The following PSMD14 variants were observed in gnomAD, a reference collection of about 807,000 sequenced individuals.
PSMD14 encodes the protein proteasome 26S subunit, non-ATPase 14.
In PSMD14, 7 loss-of-function variants were observed where a neutral mutation model predicts 41.2. That is an observed-to-expected ratio of 0.17 (90% CI 0.10 to 0.32). The LOEUF (loss-of-function observed/expected upper bound fraction) is 0.32, where lower values mean the gene tolerates loss of function less well. PSMD14 is among the 10% of genes least tolerant of loss of function. The probability of loss-of-function intolerance (pLI) is 1.00; values close to 1 mark genes in which losing one functional copy is unlikely to be tolerated. For synonymous variants in PSMD14, 114 were observed against 122.3 expected, an observed-to-expected ratio of 0.93 and a Z score of 0.45; for missense variants, 139 against 375.6, an observed-to-expected ratio of 0.37 and a Z score of 5.21.
At chr2:161,336,818 C>CACTG (rs773060661) in intron 3 of PSMD14, among the ~76,000 whole-genome samples, 14 of 152,300 alleles carry the variant, frequency 9.2e-5, no homozygotes, top group South Asian at 6.2e-4. Context: ...TCAGGTGATC[C>CACTG]ACTGCCTCAG....
intron 7 of PSMD14, among the ~76,000 whole-genome samples, chr2:161,375,223 AAATTAT>A (rs1683487240): frequency 6.6e-6 from 1 of 152,018 alleles, no homozygotes; most frequent in Admixed American, 6.6e-5. Flanking sequence ...TTGAGAAGAT[AAATTAT>A]ATACATTTAG....
intron 1 of PSMD14, among the ~76,000 whole-genome samples, chr2:161,309,155 C>CAA (rs1386862730): frequency 6.6e-6 from 1 of 152,192 alleles, no homozygotes; most frequent in Non-Finnish European, 1.5e-5. Context: ...TGTTAACTTA[C>CAA]TTTCAATATC....
rs71281822 is a variant in PSMD14 at position 161,357,076 on chromosome 2, C to CTTTTTTTTTTTTTTTTTTTTTTTTTT, written c.49-10390_49-10389insTTTTTTTTTTTTTTTTTTTTTTTTTT. Among the ~76,000 whole-genome samples, 257 of 124,074 alleles carry CTTTTTTTTTTTTTTTTTTTTTTTTTT rather than the reference C, an allele frequency of 2.1e-3. 17 individuals are homozygous for CTTTTTTTTTTTTTTTTTTTTTTTTTT. Among genetic ancestry groups the CTTTTTTTTTTTTTTTTTTTTTTTTTT allele is most frequent in the African/African-American group, 3.1e-3 (98 of 31,426 alleles). The allele number at this position is 124,074 out of a possible 152,430, so 81.4% of individuals were successfully genotyped here. ...TTTATGCTGTTATAATGGCAAATGCCTTTTTTTTTTTTAGCACTTAGTCAA... is the reference window on the plus strand; with the variant it reads ...TTTATGCTGTTATAATGGCAAATGCCTTTTTTTTTTTTTTTTTTTTTTTTTTTTTTTTTTTTTTAGCACTTAGTCAA... On this transcript the variant is annotated intron_variant, in intron 3 of 11. Coordinates refer to ENST00000409682, the MANE Select transcript of PSMD14 (RefSeq NM_005805.6).
intron 3 of PSMD14, among the ~76,000 whole-genome samples, chr2:161,366,878 A>C (rs2105255818): frequency 6.6e-6 from 1 of 152,238 alleles, no homozygotes; most frequent in East Asian, 1.9e-4. Context: ...AGGATTTTGG[A>C]AGTATTTTCA....
chr2:161,367,486 T>G lies in PSMD14; in HGVS notation c.57T>G (p.Pro19=), dbSNP rs760549660. 2 of 1,594,182 alleles carry G rather than the reference T, an allele frequency of 1.3e-6. No homozygotes were observed. Among genetic ancestry groups the G allele is most frequent in the East Asian group, 4.5e-5 (2 of 44,224 alleles). ...GATGTATTTGTTTCTAGGGGCCACC[T>G]ACAGATGCTCCTGCAGTGGACACAG... The part of the protein sequence containing the change: ...GGMPGLGQGP[P]TDAPAVDTAE... The change falls in exon 4 of 12, where the codon CCT becomes CCG. Residue 19 remains proline (P), a synonymous_variant. Transcript: ENST00000409682.
At chr2:161,381,617 T>C (rs1306880405) in intron 7 of PSMD14, 1 of 151,900 alleles carries the variant, frequency 6.6e-6, no homozygotes, top group African/African-American at 2.4e-5. Context: ...GACCTAGCAG[T>C]TGATATGAAA....
chr2:161,315,126 A>G (rs1272861291), intron 1 of PSMD14, among the ~76,000 whole-genome samples: 1 of 152,220 alleles, frequency 6.6e-6, no homozygotes, highest in Non-Finnish European at 1.5e-5. Context: ...GAATGGCTTC[A>G]AACATTTATC....
chr2:161,342,524 CTT>C (rs2105242820), intron 3 of PSMD14, among the ~76,000 whole-genome samples: 1 of 151,968 alleles, frequency 6.6e-6, no homozygotes, highest in Admixed American at 6.6e-5. Context: ...TGTGGTATAT[CTT>C]TTACTGTCTA....
chr2:161,342,221 G>A (rs1284441671), intron 3 of PSMD14, among the ~76,000 whole-genome samples: 2 of 152,068 alleles, frequency 1.3e-5, no homozygotes, highest in East Asian at 1.9e-4. Context: ...TGTCCTGATC[G>A]TAGGGGGAAA....
At chr2:161,392,925 A>G (rs891682855) in intron 9 of PSMD14, among the ~76,000 whole-genome samples, 2 of 152,056 alleles carry the variant, frequency 1.3e-5, no homozygotes, top group African/African-American at 2.4e-5. Context: ...AATTACATCA[A>G]TTTTTCTTTC....
intron 7 of PSMD14, among the ~76,000 whole-genome samples, chr2:161,374,463 G>A: frequency 6.6e-6 from 1 of 151,880 alleles, no homozygotes; most frequent in Admixed American, 6.6e-5. Context: ...GTAACCCTCT[G>A]CATATTGTAC....
chr2:161,350,852 T>TTA (rs199631957), intron 3 of PSMD14, among the ~76,000 whole-genome samples: 8,787 of 152,292 alleles, frequency 0.058, 370 homozygotes, highest in Non-Finnish European at 0.094. Context: ...AGGCAAAACC[T>TTA]GCAATCATAT....
intron 3 of PSMD14, among the ~76,000 whole-genome samples, chr2:161,347,155 A>G (rs1314452669): frequency 6.6e-6 from 1 of 152,030 alleles, no homozygotes; most frequent in Non-Finnish European, 1.5e-5. Flanking sequence ...TTGTTTCCCA[A>G]ATTTTGGAGA....
At position 161,334,894 on chromosome 2, in the gene PSMD14, T is replaced by C. The variant is rs144935719; in HGVS notation, c.48+16021T>C. ...ATGTGTGTTTTTCTATCTGTTCCCT[T>C]AATTCCTCAGAAACAGGCACTGTGT... On this transcript the variant is annotated intron_variant, in intron 3 of 11. Coordinates refer to ENST00000409682, the MANE Select transcript of PSMD14 (RefSeq NM_005805.6). Among the ~76,000 whole-genome samples the C allele has an allele frequency of 4.4e-3, 669 of 152,358 alleles. 6 individuals carry two copies. Among genetic ancestry groups the C allele is most frequent in the African/African-American group, 0.015 (608 of 41,590 alleles).
intron 10 of PSMD14, among the ~76,000 whole-genome samples, chr2:161,404,803 C>T (rs1018881863): frequency 1.3e-5 from 2 of 152,158 alleles, no homozygotes; most frequent in Non-Finnish European, 2.9e-5. Context: ...CATACATTCC[C>T]GTGGTTCCCC....
At chr2:161,316,989 T>C (rs1559036635) in intron 2 of PSMD14, among the ~76,000 whole-genome samples, 1 of 152,200 alleles carries the variant, frequency 6.6e-6, no homozygotes, top group Non-Finnish European at 1.5e-5. Context: ...AGAATATATA[T>C]ATTCTAATGT....
intron 8 of PSMD14, among the ~76,000 whole-genome samples, chr2:161,388,875 G>C (rs1013588217): frequency 6.6e-6 from 1 of 152,040 alleles, no homozygotes; most frequent in Non-Finnish European, 1.5e-5. Context: ...TAAGTCAGTT[G>C]GTCTTGTGTA....
chr2:161,314,111 G>A, intron 1 of PSMD14, among the ~76,000 whole-genome samples: 1 of 152,038 alleles, frequency 6.6e-6, no homozygotes, highest in South Asian at 2.1e-4. Context: ...AGATTTATAG[G>A]CACCATTTAG....
At chr2:161,341,103 C>T in intron 3 of PSMD14, 1 of 1,454,892 alleles carries the variant, frequency 6.9e-7, no homozygotes, top group Non-Finnish European at 9.1e-7. Context: ...CGCGGGCTCT[C>T]CAGGCTCCTC....
Sources: allele counts gnomAD v4.1 joint callset (sites outside exome capture counted in the v4.1 genomes callset), GRCh38; gene constraint gnomAD v4.1.1; transcripts MANE v1.5; gene names NCBI Gene and HGNC (gene_info 2026-07-23, HGNC 2026-07-21).